The following STXBP5L variants were observed in gnomAD, a reference collection of about 807,000 sequenced individuals.
STXBP5L encodes syntaxin binding protein 5L.
STXBP5L carries 65 observed loss-of-function variants against 144.5 expected under a neutral mutation model. The observed-to-expected ratio is 0.45, with a 90% CI of 0.37 to 0.55. The LOEUF (loss-of-function observed/expected upper bound fraction) is 0.55, where lower values mean the gene tolerates loss of function less well. STXBP5L is among the 20% of genes least tolerant of loss of function. The pLI is 0.00. For missense variants in STXBP5L, 1,298 were observed against 1,405.5 expected (o/e 0.92, Z 1.22); for synonymous variants, 505 against 469.6 (o/e 1.08, Z -0.97).
intron 3 of STXBP5L, among the ~76,000 whole-genome samples, chr3:120,959,681 G>C (rs1390400854): frequency 6.6e-6 from 1 of 151,856 alleles, no homozygotes; most frequent in South Asian, 2.1e-4. Flanking sequence ...AATGATGCTG[G>C]TGGGAAAACT....
chr3:121,199,864 G>A (rs999181776), intron 9 of STXBP5L, among the ~76,000 whole-genome samples: 2 of 152,062 alleles, frequency 1.3e-5, no homozygotes, highest in African/African-American at 4.8e-5. Context: ...GCTTTTTGAT[G>A]TGCTGCTGGA....
chr3:121,333,778 G>T (rs1321551236), intron 20 of STXBP5L, among the ~76,000 whole-genome samples: 1 of 152,106 alleles, frequency 6.6e-6, no homozygotes, highest in Non-Finnish European at 1.5e-5. Flanking sequence ...ACCTAGAAGA[G>T]ATGGATAAAT....
intron 2 of STXBP5L, among the ~76,000 whole-genome samples, chr3:120,951,304 C>G (rs189648105): frequency 1.1e-4 from 17 of 151,980 alleles, no homozygotes; most frequent in South Asian, 4.2e-4. Flanking sequence ...TTGACAAATG[C>G]GATCTAATTA....
intron 22 of STXBP5L, among the ~76,000 whole-genome samples, chr3:121,386,615 A>G (rs1399549856): frequency 2.0e-5 from 3 of 151,478 alleles, no homozygotes; most frequent in Admixed American, 2.0e-4. Flanking sequence ...AAGTGATCTC[A>G]TTGTTCAATT....
chr3:121,043,650 A>C (rs894942834), intron 4 of STXBP5L, among the ~76,000 whole-genome samples: 2 of 152,184 alleles, frequency 1.3e-5, no homozygotes, highest in Non-Finnish European at 2.9e-5. Context: ...CAGAGGTTGC[A>C]GTGAGCTAAG....
Position 121,339,370 on chromosome 3 carries a change from T to A in STXBP5L, c.2176+20830T>A, listed in dbSNP as rs189314890. On this transcript the variant is annotated intron_variant, in intron 20 of 26. Coordinates refer to ENST00000471454, the MANE Select transcript of STXBP5L (RefSeq NM_001308330.2). ...AAGCATTGGATAAAATACAGCATCC[T>A]TTTATAAAACCCTCAACAAATTAGA... Among the ~76,000 whole-genome samples the A allele has an allele frequency of 3.3e-5, 5 of 151,958 alleles. No individual in the cohort carries two copies. The East Asian group carries it at 7.8e-4, about 24-fold the overall frequency.
chr3:121,354,868 C>A (rs2045444098), intron 20 of STXBP5L, among the ~76,000 whole-genome samples: 1 of 152,066 alleles, frequency 6.6e-6, no homozygotes, highest in Non-Finnish European at 1.5e-5. Flanking sequence ...CCTTCAGGAG[C>A]TCTTGTAAGG....
At position 121,407,307 on chromosome 3, in the gene STXBP5L, A is replaced by G. The variant is rs1279550209; in HGVS notation, c.2652A>G (p.Leu884=). ...CCTGTATGGACCGAATGGGTGGATT[A>G]ATGCAACCGCCATATGAAGTTTGGA... is the stretch of plus-strand genomic sequence containing the variant. The part of the protein sequence containing the change: ...TFSCMDRMGG[L]MQPPYEVWRD... Residue 884 remains leucine (L), a synonymous_variant, in exon 23 of 27, where the codon TTA becomes TTG. Coordinates refer to ENST00000471454, the MANE Select transcript of STXBP5L (RefSeq NM_001308330.2). 1 of 1,611,686 alleles carries G rather than the reference A, an allele frequency of 6.2e-7. No homozygotes were observed. Among genetic ancestry groups the G allele is most frequent in the South Asian group, 1.1e-5 (1 of 90,830 alleles).
At chr3:120,931,493 A>C (rs943326278) in intron 2 of STXBP5L, among the ~76,000 whole-genome samples, 1 of 152,178 alleles carries the variant, frequency 6.6e-6, no homozygotes, top group East Asian at 1.9e-4. Context: ...ATGTTCCAAA[A>C]GAGAAAACCA....
chr3:121,106,352 C>A (rs1199495069), intron 5 of STXBP5L, among the ~76,000 whole-genome samples: 3 of 152,176 alleles, frequency 2.0e-5, no homozygotes, highest in Non-Finnish European at 4.4e-5. Context: ...AAACCCATCA[C>A]ATCGGTATTG....
At chr3:120,919,782 C>T (rs1239554246) in intron 2 of STXBP5L, among the ~76,000 whole-genome samples, 2 of 151,916 alleles carry the variant, frequency 1.3e-5, no homozygotes, top group African/African-American at 4.8e-5. Flanking sequence ...GGCAAGCACA[C>T]ACTCTGTGAA....
At chr3:120,980,071 C>G (rs1170099751) in intron 3 of STXBP5L, among the ~76,000 whole-genome samples, 1 of 152,208 alleles carries the variant, frequency 6.6e-6, no homozygotes, top group East Asian at 1.9e-4. Context: ...TTTAATTCCA[C>G]TGTAGTCTGA....
intron 10 of STXBP5L, among the ~76,000 whole-genome samples, chr3:121,208,605 C>T (rs1321948181): frequency 1.3e-5 from 2 of 152,028 alleles, no homozygotes; most frequent in Non-Finnish European, 2.9e-5. Context: ...TATTTTGCCT[C>T]TTGAAATATT....
At chr3:121,026,307 C>G (rs1248754624) in intron 3 of STXBP5L, among the ~76,000 whole-genome samples, 1 of 151,886 alleles carries the variant, frequency 6.6e-6, no homozygotes, top group Non-Finnish European at 1.5e-5. Flanking sequence ...CTGGTTAAAT[C>G]TTTTATATTC....
chr3:121,233,810 T>C, intron 12 of STXBP5L, 122 bp downstream of exon 12: 5 of 746,976 alleles, frequency 6.7e-6, no homozygotes, highest in Non-Finnish European at 1.0e-5. Context: ...ATTACAGAAA[T>C]GCACTTTGGT....
chr3:120,918,544 G>A (rs1709213457), intron 2 of STXBP5L, among the ~76,000 whole-genome samples: 1 of 152,096 alleles, frequency 6.6e-6, no homozygotes, highest in Non-Finnish European at 1.5e-5. Flanking sequence ...CTCAGACATT[G>A]TACCCTTCCA....
At chr3:121,368,892 A>T (rs566103357) in intron 20 of STXBP5L, among the ~76,000 whole-genome samples, 1 of 152,302 alleles carries the variant, frequency 6.6e-6, no homozygotes, top group South Asian at 2.1e-4. Flanking sequence ...GTGGAGCTTT[A>T]AATCCCTTGG....
intron 5 of STXBP5L, among the ~76,000 whole-genome samples, chr3:121,077,914 G>A (rs980254371): frequency 6.6e-6 from 1 of 151,440 alleles, no homozygotes; most frequent in Admixed American, 6.6e-5. Context: ...GTGCTGATTT[G>A]TGTATGTACA....
At chr3:121,049,098 G>T (rs1039736439) in intron 5 of STXBP5L, among the ~76,000 whole-genome samples, 1 of 151,956 alleles carries the variant, frequency 6.6e-6, no homozygotes, top group Non-Finnish European at 1.5e-5. Context: ...GGTGGCTAGA[G>T]ACCCCGGTAG....
Sources: allele counts gnomAD v4.1 joint callset (sites outside exome capture counted in the v4.1 genomes callset), GRCh38; gene constraint gnomAD v4.1.1; transcripts MANE v1.5; gene names NCBI Gene and HGNC (gene_info 2026-07-23, HGNC 2026-07-21).